Variants in KCNQ1 observed in about 807,000 individuals in gnomAD.
KCNQ1 encodes the protein potassium voltage-gated channel subfamily Q member 1, also known as potassium voltage-gated channel subfamily KQT member 1.
A neutral mutation model predicts 72.4 loss-of-function variants in KCNQ1; 49 were observed. The observed-to-expected ratio is 0.68, with a 90% CI of 0.54 to 0.86. The LOEUF (loss-of-function observed/expected upper bound fraction) is 0.86, where lower values mean the gene tolerates loss of function less well. Ranked by LOEUF, KCNQ1 falls within the 40% of genes least tolerant of loss-of-function variation. KCNQ1 has a pLI of 0.00. For missense variants in KCNQ1, 790 were observed against 945.1 expected (o/e 0.84, Z 2.15); for synonymous variants, 450 against 412.6 (o/e 1.09, Z -1.10).
Position 2,659,673 on chromosome 11 carries a change from A to G in KCNQ1, c.1394-2288A>G. 2.5e-6 allele frequency: 1 copy of G among 398,508 alleles called. No individual in the cohort carries two copies. Among genetic ancestry groups the G allele is most frequent in the Non-Finnish European group, 4.4e-6 (1 of 226,014 alleles). The allele number at this position is 398,508 out of a possible 1,614,324, so 24.7% of individuals were successfully genotyped here. ...GTTTAACTTAATAAGAAATTGCTAA[A>G]CTATTTCCTAAAGTCACTGTGCCAT... On this transcript the variant is annotated intron_variant, in intron 10 of 15. Coordinates refer to ENST00000155840, the MANE Select transcript of KCNQ1 (RefSeq NM_000218.3). The surrounding 1 kb of genome is among the most constrained non-coding windows in gnomAD (Gnocchi z 4.3).
At position 2,457,101 on chromosome 11, in the gene KCNQ1, A is replaced by G. The variant is rs1381055550; in HGVS notation, c.386+11617A>G. 6.6e-6 allele frequency among the ~76,000 whole-genome samples: 1 copy of G among 152,176 alleles called. No homozygotes were observed. Among genetic ancestry groups the G allele is most frequent in the South Asian group, 2.1e-4 (1 of 4,830 alleles). ...CAAATCAAAGTCACAATGAGATACC[A>G]TCTCACGCCAGTCAGAATGGCCTTT... On this transcript the variant is annotated intron_variant, in intron 1 of 15. Transcript: ENST00000155840. This position sits in a 1 kb window ranked among gnomAD's most constrained non-coding sequence, Gnocchi z 5.0.
Position 2,695,373 on chromosome 11 carries a change from G to A in KCNQ1, c.1514+33292G>A. 2.5e-6 allele frequency: 1 copy of A among 398,566 alleles called. No individual in the cohort carries two copies. The highest frequency in any genetic ancestry group is 4.4e-6 in the Non-Finnish European group (1 of 226,070). The allele number at this position is 398,566 out of a possible 1,614,324, so 24.7% of individuals were successfully genotyped here. A position where few individuals can be genotyped will look rare whatever the true frequency, so the allele number is the denominator to read the frequency against. On this transcript the variant is annotated intron_variant, in intron 11 of 15. Transcript: ENST00000155840. The surrounding 1 kb of genome is among the most constrained non-coding windows in gnomAD (Gnocchi z 5.2). Reference sequence around the variant, plus strand: ...TCACGAGCACTCCCTAGTACTGCGTGTCTGGGTGGTGTGTAATTTTAATTT... The same window carrying A: ...TCACGAGCACTCCCTAGTACTGCGTATCTGGGTGGTGTGTAATTTTAATTT...
At chr11:2,665,385 C>T in intron 11 of KCNQ1, 1 of 396,962 alleles carries the variant, frequency 2.5e-6, no homozygotes, top group Non-Finnish European at 4.4e-6. Flanking sequence ...GAGCCCTGTA[C>T]CCCAAGAGCC....
At chr11:2,831,133 G>GTT (rs1847937152) in intron 15 of KCNQ1, among the ~76,000 whole-genome samples, 1 of 152,224 alleles carries the variant, frequency 6.6e-6, no homozygotes, top group African/African-American at 2.4e-5. Context: ...TGGCTGTGAA[G>GTT]CCAAAGGCGG....
chr11:2,583,085 G>A (rs1365392465), intron 6 of KCNQ1, among the ~76,000 whole-genome samples: 4 of 152,142 alleles, frequency 2.6e-5, no homozygotes, highest in Admixed American at 6.5e-5. Context: ...CAGCAACGTC[G>A]GTGGCCCAGG....
At chr11:2,791,935 C>A (rs557258990) in intron 15 of KCNQ1, among the ~76,000 whole-genome samples, 6 of 152,252 alleles carry the variant, frequency 3.9e-5, no homozygotes, top group Non-Finnish European at 5.9e-5. Context: ...TTTACTTTGC[C>A]GCGCGAACAG....
At chr11:2,523,751 GTTTTTTTTTT>G (rs59766245) in intron 1 of KCNQ1, among the ~76,000 whole-genome samples, 5 of 115,144 alleles carry the variant, frequency 4.3e-5, no homozygotes, top group African/African-American at 1.7e-4. Context: ...GAAGTTTACA[GTTTTTTTTTT>G]TTTTTTTTTT....
intron 1 of KCNQ1, among the ~76,000 whole-genome samples, chr11:2,505,773 C>T (rs1449058566): frequency 6.6e-6 from 1 of 152,146 alleles, no homozygotes; most frequent in East Asian, 1.9e-4. Flanking sequence ...CCATTTTTGG[C>T]TGATGTTAGT....
At position 2,588,624 on chromosome 11, in the gene KCNQ1, C is replaced by T. The variant is rs543515773; in HGVS notation, c.1252-89C>T. 7.2e-5 allele frequency: 110 copies of T among 1,536,246 alleles called. No homozygotes were observed. The highest frequency in any genetic ancestry group is 9.1e-5 in the Non-Finnish European group (102 of 1,122,240). ...GGGTGTATGTGGCGGGGGCTGGGCT[C>T]GGGGCGGCTGCACAGGCACTCTGGG... On this transcript the variant is annotated intron_variant, in intron 9 of 15. Coordinates refer to ENST00000155840, the MANE Select transcript of KCNQ1 (RefSeq NM_000218.3). The surrounding 1 kb of genome is among the most constrained non-coding windows in gnomAD (Gnocchi z 5.6).
chr11:2,777,527 A>C, intron 14 of KCNQ1: 2 of 534,138 alleles, frequency 3.7e-6, no homozygotes, highest in Non-Finnish European at 6.5e-6. Context: ...ATTCCGGGGA[A>C]TGACAGGGAA....
In KCNQ1 at chr11:2,723,822, T is replaced by C. The variant is rs1845713066; in HGVS notation, c.1515-45022T>C. ...GTGCACATGTACTCCAGCCTCTCTG[T>C]GTCCCATTTGCTCATGACATGGTGG... On this transcript the variant is annotated intron_variant, in intron 11 of 15. Transcript: ENST00000155840. This position sits in a 1 kb window ranked among gnomAD's most constrained non-coding sequence, Gnocchi z 4.2. Among the ~76,000 whole-genome samples, 1 of 152,206 alleles carries C rather than the reference T, an allele frequency of 6.6e-6. No individual in the cohort carries two copies. Among genetic ancestry groups the C allele is most frequent in the Admixed American group, 6.5e-5 (1 of 15,278 alleles).
At chr11:2,662,245 G>C in intron 11 of KCNQ1, 164 bp downstream of exon 11, 1 of 845,920 alleles carries the variant, frequency 1.2e-6, no homozygotes, top group Non-Finnish European at 1.9e-6. Flanking sequence ...CACCAGGCAA[G>C]AGAGGAGAGC....
rs1032796511 is a variant in KCNQ1 at position 2,759,245 on chromosome 11, G to A, written c.1515-9599G>A. On this transcript the variant is annotated intron_variant, in intron 11 of 15. Coordinates refer to ENST00000155840, the MANE Select transcript of KCNQ1 (RefSeq NM_000218.3). This position sits in a 1 kb window ranked among gnomAD's most constrained non-coding sequence, Gnocchi z 4.4. ...TGCTGACATAAGTGCTCAAGGAAGA[G>A]TCTGGAAGGCCTGCAAGGCCCTCAT... Among the ~76,000 whole-genome samples, 11 of 152,186 alleles carry A rather than the reference G, an allele frequency of 7.2e-5. No homozygotes were observed. The highest frequency in any genetic ancestry group is 1.3e-4 in the Non-Finnish European group (9 of 68,022).
intron 11 of KCNQ1, among the ~76,000 whole-genome samples, chr11:2,732,808 G>A (rs1317877278): frequency 6.6e-6 from 1 of 152,100 alleles, no homozygotes; most frequent in Non-Finnish European, 1.5e-5. Flanking sequence ...GAGCCTGGGG[G>A]CCTCTGTCCC....
intron 6 of KCNQ1, among the ~76,000 whole-genome samples, chr11:2,573,934 T>A (rs997586529): frequency 2.0e-5 from 3 of 152,214 alleles, no homozygotes; most frequent in Admixed American, 1.3e-4. Context: ...CAGCAGCAGT[T>A]TCTCATGGCT....
In KCNQ1 at chr11:2,764,779, A is replaced by G. The variant is rs1846465250; in HGVS notation, c.1515-4065A>G. Among the ~76,000 whole-genome samples, 1 of 152,094 alleles carries G rather than the reference A, an allele frequency of 6.6e-6. No individual in the cohort carries two copies. The highest frequency in any genetic ancestry group is 1.5e-5 in the Non-Finnish European group (1 of 68,006). On this transcript the variant is annotated intron_variant, in intron 11 of 15. Coordinates refer to ENST00000155840, the MANE Select transcript of KCNQ1 (RefSeq NM_000218.3). This position sits in a 1 kb window ranked among gnomAD's most constrained non-coding sequence, Gnocchi z 4.8. Reference sequence around the variant, plus strand: ...TTTGTATATTTTATCTAAATCATCAAAAGTATTTTTGTTTGTAATGTCCTC... The same window carrying G: ...TTTGTATATTTTATCTAAATCATCAGAAGTATTTTTGTTTGTAATGTCCTC...
In KCNQ1 at chr11:2,627,656, C is replaced by T; in HGVS notation, c.1394-34305C>T. 1 of 398,316 alleles carries T rather than the reference C, an allele frequency of 2.5e-6. No individual in the cohort carries two copies. The highest frequency in any genetic ancestry group is 3.6e-5 in the East Asian group (1 of 28,074). The allele number at this position is 398,316 out of a possible 1,614,324, so 24.7% of individuals were successfully genotyped here. On this transcript the variant is annotated intron_variant, in intron 10 of 15. Coordinates refer to ENST00000155840, the MANE Select transcript of KCNQ1 (RefSeq NM_000218.3). The surrounding 1 kb of genome is among the most constrained non-coding windows in gnomAD (Gnocchi z 4.9). ...CCTGCTTTTTAAAGGATGAATATTT[C>T]ATTGTGTGTGTGTATATATGTGTGT... is the stretch of plus-strand genomic sequence containing the variant.
Position 2,733,814 on chromosome 11 carries a change from A to ACACTCACACACTCTCT in KCNQ1, c.1515-35029_1515-35028insACTCACACACTCTCTC. Among the ~76,000 whole-genome samples the ACACTCACACACTCTCT allele has an allele frequency of 2.5e-4, 22 of 86,656 alleles. 1 individual carries two copies. Among genetic ancestry groups the ACACTCACACACTCTCT allele is most frequent in the African/African-American group, 9.3e-4 (22 of 23,576 alleles). The allele number at this position is 86,656 out of a possible 152,430, so 56.8% of individuals were successfully genotyped here. ...CACACACACACACACACACACACAC[A>ACACTCACACACTCTCT]CTCTCTCACTCTCTCTCTCTCTCTC... On this transcript the variant is annotated intron_variant, in intron 11 of 15. Coordinates refer to ENST00000155840, the MANE Select transcript of KCNQ1 (RefSeq NM_000218.3).
rs146650578 is a variant in KCNQ1, at chr11:2,756,307, T to C, written c.1515-12537T>C. ...GGAGGGAGAGTGAGTAAACATGGAA[T>C]GCCCATACAAAAGAGAATTTTAAAC... is the stretch of plus-strand genomic sequence containing the variant. On this transcript the variant is annotated intron_variant, in intron 11 of 15. Coordinates refer to ENST00000155840, the MANE Select transcript of KCNQ1 (RefSeq NM_000218.3). Among the ~76,000 whole-genome samples the C allele has an allele frequency of 2.2e-3, 340 of 152,166 alleles. 1 individual carries two copies. The highest frequency in any genetic ancestry group is 7.4e-3 in the African/African-American group (306 of 41,490).
Sources: allele counts gnomAD v4.1 joint callset (sites outside exome capture counted in the v4.1 genomes callset), GRCh38; gene constraint gnomAD v4.1.1; non-coding constraint Gnocchi (gnomAD v3.1); transcripts MANE v1.5; gene names NCBI Gene and HGNC (gene_info 2026-07-23, HGNC 2026-07-21).